Variants in POLR3B observed in about 807,000 individuals in gnomAD.
POLR3B encodes DNA-directed RNA polymerase III subunit RPC2.
A neutral mutation model predicts 147.4 loss-of-function variants in POLR3B; 96 were observed. That is an observed-to-expected ratio of 0.65 (90% CI 0.55 to 0.77). POLR3B has a LOEUF of 0.77. Ranked by LOEUF, POLR3B falls within the 30% of genes least tolerant of loss-of-function variation. POLR3B has a pLI of 0.00. For missense variants in POLR3B, 1,036 were observed against 1,413.5 expected (o/e 0.73, Z 4.28); for synonymous variants, 461 against 485.9 (o/e 0.95, Z 0.67).
chr12:106,416,701 T>C (rs2136943149), intron 12 of POLR3B, among the ~76,000 whole-genome samples: 1 of 152,266 alleles, frequency 6.6e-6, no homozygotes, highest in South Asian at 2.1e-4. Context: ...TCCTTCCCCT[T>C]CCCCTGAAAC....
intron 25 of POLR3B, among the ~76,000 whole-genome samples, chr12:106,501,016 G>A (rs1416377094): frequency 6.6e-6 from 1 of 152,206 alleles, no homozygotes; most frequent in Non-Finnish European, 1.5e-5. Context: ...AAGATTATCT[G>A]TGGTAGCCCA....
At chr12:106,469,912 C>T (rs1476297853) in intron 23 of POLR3B, among the ~76,000 whole-genome samples, 1 of 152,188 alleles carries the variant, frequency 6.6e-6, no homozygotes, top group Non-Finnish European at 1.5e-5. Flanking sequence ...CTTGGTGAAT[C>T]TGACAATTAC....
chr12:106,390,896 T>C (rs2250621), intron 9 of POLR3B, among the ~76,000 whole-genome samples: 146,258 of 152,188 alleles, frequency 0.96, 70,335 homozygotes, highest in East Asian at 1. Context: ...AGCCACAAGC[T>C]GAGCATAGTA....
intron 1 of POLR3B, chr12:106,358,275 G>A (rs1379949333): frequency 7.7e-7 from 1 of 1,295,972 alleles, no homozygotes; most frequent in Non-Finnish European, 9.9e-7. Context: ...CGTATTGCAT[G>A]TTTGCAGTCT....
chr12:106,490,836 A>G (rs2038397611), intron 23 of POLR3B, among the ~76,000 whole-genome samples: 1 of 152,216 alleles, frequency 6.6e-6, no homozygotes, highest in African/African-American at 2.4e-5. Context: ...GTCAAACTTG[A>G]AAGCATTCCT....
At chr12:106,507,896 G>A in intron 27 of POLR3B, 2 of 443,460 alleles carry the variant, frequency 4.5e-6, no homozygotes, top group South Asian at 3.2e-5. Context: ...CAAATATAAA[G>A]TGAGTCACAT....
intron 23 of POLR3B, 181 bp from the exon 24 acceptor site, chr12:106,495,874 G>GTT: frequency 1.4e-6 from 1 of 701,068 alleles, no homozygotes; most frequent in Non-Finnish European, 2.6e-6. Flanking sequence ...AAGGAGAGTC[G>GTT]TTTTTGAACT....
chr12:106,483,776 G>C (rs2038302064), intron 23 of POLR3B, among the ~76,000 whole-genome samples: 1 of 152,164 alleles, frequency 6.6e-6, no homozygotes, highest in Non-Finnish European at 1.5e-5. Flanking sequence ...TAGTAAGAGT[G>C]CTCAAGAGTC....
chr12:106,427,104 T>G, intron 12 of POLR3B, 93 bp from the exon 13 acceptor site: 1 of 859,858 alleles, frequency 1.2e-6, no homozygotes, highest in Non-Finnish European at 1.8e-6. Context: ...TTTCTCCATC[T>G]TATTTTTTAA....
intron 9 of POLR3B, among the ~76,000 whole-genome samples, chr12:106,381,423 T>G (rs889349285): frequency 2.0e-5 from 3 of 152,234 alleles, no homozygotes; most frequent in African/African-American, 7.2e-5. Flanking sequence ...ACATCCTTTT[T>G]TGTTATTTCA....
chr12:106,509,554 G>T lies in POLR3B; in HGVS notation c.*5G>T. The T allele has an allele frequency of 6.2e-7, 1 of 1,610,540 alleles. No individual in the cohort carries two copies. Among genetic ancestry groups the T allele is most frequent in the Non-Finnish European group, 8.5e-7 (1 of 1,177,184 alleles). ...CTGTCCAAGTACAATGAATGAGGAT[G>T]GAAAAAATGATTATTAAAGAGAACA... On this transcript the variant is annotated 3_prime_UTR_variant, in exon 28 of 28. Transcript: ENST00000228347.
intron 11 of POLR3B, among the ~76,000 whole-genome samples, chr12:106,408,016 T>C (rs2037172754): frequency 6.6e-6 from 1 of 152,176 alleles, no homozygotes; most frequent in Non-Finnish European, 1.5e-5. Flanking sequence ...TGATTTTCAG[T>C]GATACAGGGT....
At chr12:106,427,496 T>G in intron 13 of POLR3B, 138 bp downstream of exon 13, 1 of 816,420 alleles carries the variant, frequency 1.2e-6, no homozygotes, top group Non-Finnish European at 2.0e-6. Flanking sequence ...AAATTTCTAC[T>G]TTGAAAGAAA....
intron 23 of POLR3B, among the ~76,000 whole-genome samples, chr12:106,479,825 TTTTC>T (rs2038241853): frequency 7.1e-6 from 1 of 141,600 alleles, no homozygotes; most frequent in Admixed American, 7.5e-5. Context: ...TTTTCTTTTC[TTTTC>T]ACAGTATCTT....
intron 26 of POLR3B, among the ~76,000 whole-genome samples, chr12:106,503,214 A>C (rs1343335692): frequency 1.3e-5 from 2 of 152,228 alleles, no homozygotes; most frequent in East Asian, 3.8e-4. Flanking sequence ...TTCAACAAGT[A>C]ATCTACAACT....
At chr12:106,431,521 T>C (rs1382137311) in intron 14 of POLR3B, among the ~76,000 whole-genome samples, 1 of 152,224 alleles carries the variant, frequency 6.6e-6, no homozygotes, top group Non-Finnish European at 1.5e-5. Flanking sequence ...TTTAGAACTG[T>C]ACCGGGTTGC....
chr12:106,398,435 G>C (rs1565883866), intron 10 of POLR3B, among the ~76,000 whole-genome samples: 2 of 152,228 alleles, frequency 1.3e-5, no homozygotes, highest in African/African-American at 2.4e-5. Context: ...AAAGACAGCA[G>C]TAACCTCTGC....
chr12:106,459,040 T>C (rs1424073136), intron 21 of POLR3B, among the ~76,000 whole-genome samples: 1 of 151,940 alleles, frequency 6.6e-6, no homozygotes, highest in African/African-American at 2.4e-5. Flanking sequence ...TGTGTGTGTG[T>C]GTGGGTGTGT....
At chr12:106,368,852 T>C (rs1167444762) in intron 4 of POLR3B, among the ~76,000 whole-genome samples, 1 of 152,126 alleles carries the variant, frequency 6.6e-6, no homozygotes, top group Admixed American at 6.5e-5. Flanking sequence ...ATCTCATTAG[T>C]TTCCGCTTTA....
Sources: gnomAD v4.1 joint callset for allele counts (sites outside exome capture counted in the v4.1 genomes callset) on GRCh38, gnomAD v4.1.1 for gene constraint, MANE v1.5 for transcripts, NCBI Gene and HGNC (gene_info 2026-07-23, HGNC 2026-07-21) for gene names.